The following SCRN1 variants were observed in gnomAD, a reference collection of about 807,000 sequenced individuals.
SCRN1 encodes the protein secernin-1.
A neutral mutation model predicts 43.3 loss-of-function variants in SCRN1; 19 were observed. The observed-to-expected ratio is 0.44, with a 90% CI of 0.31 to 0.64. SCRN1 has a LOEUF of 0.64. Ranked by LOEUF, SCRN1 falls within the 30% of genes least tolerant of loss-of-function variation. The pLI is 0.09. For missense variants in SCRN1, 447 were observed against 524.1 expected, an observed-to-expected ratio of 0.85 and a Z score of 1.44; for synonymous variants, 183 against 188.9, an observed-to-expected ratio of 0.97 and a Z score of 0.26.
intron 2 of SCRN1, among the ~76,000 whole-genome samples, chr7:29,963,940 T>C (rs916434370): frequency 5.3e-5 from 8 of 152,222 alleles, no homozygotes; most frequent in African/African-American, 1.9e-4. Context: ...GTAGTATACA[T>C]AATGTGCTGC....
At chr7:29,960,150 T>C (rs1036387069) in intron 2 of SCRN1, among the ~76,000 whole-genome samples, 1 of 152,068 alleles carries the variant, frequency 6.6e-6, no homozygotes, top group African/African-American at 2.4e-5. Context: ...CTCCCCCGAC[T>C]CCCGCAACAT....
Position 29,936,275 on chromosome 7 carries a change from G to A in SCRN1, c.905+281C>T, listed in dbSNP as rs149618409. 5.9e-5 allele frequency among the ~76,000 whole-genome samples: 9 copies of A among 152,240 alleles called. No individual in the cohort carries two copies. In the East Asian group the frequency reaches 1.5e-3, roughly 26 times the overall value. On this transcript the variant is annotated intron_variant, in intron 6 of 7. Coordinates refer to ENST00000242059, the MANE Select transcript of SCRN1 (RefSeq NM_014766.5). ...TGAGTAAATATTTGGTATTAGGTTG[G>A]TGCAAAAGTAACGGTAAGGACCACA...
intron 6 of SCRN1, among the ~76,000 whole-genome samples, chr7:29,934,107 A>C (rs1173603000): frequency 1.3e-5 from 2 of 152,242 alleles, no homozygotes; most frequent in Non-Finnish European, 2.9e-5. Flanking sequence ...TTCTACAGTC[A>C]TGGTAGGAAA....
chr7:29,935,331 G>C (rs1787289463), intron 6 of SCRN1, among the ~76,000 whole-genome samples: 1 of 152,218 alleles, frequency 6.6e-6, no homozygotes, highest in Non-Finnish European at 1.5e-5. Flanking sequence ...TCCCTAGCTA[G>C]ATGCAATCAC....
intron 1 of SCRN1, chr7:29,969,734 C>A (rs1349961957): frequency 1.1e-5 from 5 of 441,088 alleles, no homozygotes; most frequent in Non-Finnish European, 2.3e-5. Flanking sequence ...GAAAATGCAT[C>A]CATGCTCAGA....
At chr7:29,980,007 A>G (rs771342733) in intron 1 of SCRN1, among the ~76,000 whole-genome samples, 1 of 152,234 alleles carries the variant, frequency 6.6e-6, no homozygotes. Context: ...AATTACTCTA[A>G]GAGGTTATAT....
At chr7:29,939,530 A>G (rs1402622433) in intron 5 of SCRN1, among the ~76,000 whole-genome samples, 1 of 152,186 alleles carries the variant, frequency 6.6e-6, no homozygotes, top group Non-Finnish European at 1.5e-5. Context: ...TTTTAGGTTT[A>G]TGGGCCATAG....
intron 6 of SCRN1, among the ~76,000 whole-genome samples, chr7:29,934,679 C>G (rs1787265104): frequency 6.6e-6 from 1 of 152,174 alleles, no homozygotes; most frequent in Non-Finnish European, 1.5e-5. Flanking sequence ...GAAGGTATGG[C>G]CATGGAGCCA....
At chr7:29,967,368 C>A (rs1387628656) in intron 2 of SCRN1, among the ~76,000 whole-genome samples, 1 of 150,498 alleles carries the variant, frequency 6.6e-6, no homozygotes, top group Admixed American at 6.6e-5. Flanking sequence ...TTTAGAAATA[C>A]TCAAAATAGA....
At chr7:29,966,563 A>C (rs570524792) in intron 2 of SCRN1, among the ~76,000 whole-genome samples, 1 of 152,358 alleles carries the variant, frequency 6.6e-6, no homozygotes, top group South Asian at 2.1e-4. Flanking sequence ...GTTCCAGGAA[A>C]AGAGAGAAAC....
At chr7:29,927,080 G>A (rs1399460057) in intron 6 of SCRN1, among the ~76,000 whole-genome samples, 3 of 151,516 alleles carry the variant, frequency 2.0e-5, no homozygotes, top group Non-Finnish European at 2.9e-5. Flanking sequence ...GTTTTTTTCT[G>A]AGGTTCTACC....
At chr7:29,941,328 T>A (rs1332380303) in intron 4 of SCRN1, among the ~76,000 whole-genome samples, 1 of 152,172 alleles carries the variant, frequency 6.6e-6, no homozygotes, top group Non-Finnish European at 1.5e-5. Context: ...GAAAGCCCCC[T>A]CCCTGGTCTG....
chr7:29,981,926 G>C (rs779587854), intron 1 of SCRN1, among the ~76,000 whole-genome samples: 7 of 152,204 alleles, frequency 4.6e-5, no homozygotes, highest in Non-Finnish European at 7.3e-5. Context: ...GTAGGTATGG[G>C]AGTGAGGGTA....
chr7:29,955,269 T>C lies in SCRN1; in HGVS notation c.251A>G (p.Asn84Ser), dbSNP rs752719090. Residue 84 changes from asparagine to serine, a missense_variant, in exon 3 of 8, where the codon AAT (asparagine) becomes AGT (serine). Asn to Ser is a conservative substitution (Grantham distance 46, BLOSUM62 1). Transcript: ENST00000242059. ...ATTGGCTATGCACACTCCATGTTCA[T>C]TGGCTCCCATTTCTGCTCCCCAGAG... is the stretch of plus-strand genomic sequence containing the variant. ...AWLWGAEMGANEHGVCIANEA... is the reference protein window; with the variant it reads ...AWLWGAEMGASEHGVCIANEA... 17 of 1,614,064 alleles carry C rather than the reference T, an allele frequency of 1.1e-5. No individual in the cohort carries two copies. The highest frequency in any genetic ancestry group is 4.0e-5 in the African/African-American group (3 of 74,932).
chr7:29,923,855 T>C lies in SCRN1; in HGVS notation c.*102A>G. The C allele has an allele frequency of 2.3e-6, 3 of 1,283,336 alleles. No individual in the cohort carries two copies. The highest frequency in any genetic ancestry group is 2.9e-5 in the South Asian group (2 of 69,562). 79.5% of individuals were successfully genotyped at this position (1,283,336 alleles called of 1,614,324 possible). A position where few individuals can be genotyped will look rare whatever the true frequency, so the allele number is the denominator to read the frequency against. ...TCTGGCTTCAGAAAAGGAGGCCACATATTAACTTTCTCATTTTACTCAAAC... is the reference window on the plus strand; with the variant it reads ...TCTGGCTTCAGAAAAGGAGGCCACACATTAACTTTCTCATTTTACTCAAAC... On this transcript the variant is annotated 3_prime_UTR_variant, in exon 8 of 8. Transcript: ENST00000242059.
intron 3 of SCRN1, among the ~76,000 whole-genome samples, chr7:29,948,511 A>G (rs1186825048): frequency 6.6e-6 from 1 of 152,242 alleles, no homozygotes; most frequent in African/African-American, 2.4e-5. Context: ...AGACCTTTCC[A>G]AATTTTCACA....
At chr7:29,946,643 C>G (rs973538225) in intron 3 of SCRN1, among the ~76,000 whole-genome samples, 1 of 152,212 alleles carries the variant, frequency 6.6e-6, no homozygotes, top group African/African-American at 2.4e-5. Context: ...ACTTTGATGT[C>G]CTCTGGCAGA....
chr7:29,941,454 A>G (rs1299046441), intron 4 of SCRN1, among the ~76,000 whole-genome samples: 1 of 152,186 alleles, frequency 6.6e-6, no homozygotes, highest in Non-Finnish European at 1.5e-5. Context: ...AGGTCTCAAC[A>G]TTTAGAAAAT....
chr7:29,966,345 G>T (rs1264922973), intron 2 of SCRN1, among the ~76,000 whole-genome samples: 2 of 152,200 alleles, frequency 1.3e-5, no homozygotes, highest in African/African-American at 4.8e-5. Context: ...CTTCGTGGAA[G>T]GAGTGCCCTT....
Sources: allele counts gnomAD v4.1 joint callset (sites outside exome capture counted in the v4.1 genomes callset), GRCh38; gene constraint gnomAD v4.1.1; transcripts MANE v1.5; gene names NCBI Gene and HGNC (gene_info 2026-07-23, HGNC 2026-07-21).